Variants in FNIP2 observed in about 807,000 individuals in gnomAD.
FNIP2 encodes folliculin-interacting protein 2.
Under a neutral mutation model 108.7 loss-of-function variants are expected in FNIP2, and 32 were observed. The ratio of observed to expected loss-of-function variants is 0.29; its 90% CI spans 0.22 to 0.40. The LOEUF (loss-of-function observed/expected upper bound fraction) is 0.40. Ranked by LOEUF, FNIP2 falls within the 10% of genes least tolerant of loss-of-function variation. The pLI is 1.00. For synonymous variants in FNIP2, 480 were observed against 496.7 expected (o/e 0.97, Z 0.45); for missense variants, 1,202 against 1,381.6 (o/e 0.87, Z 2.06).
Position 158,778,488 on chromosome 4 carries a change from TATC to T in FNIP2, c.107+9172_107+9174del, listed in dbSNP as rs368620068. On this transcript the variant is annotated intron_variant, in intron 1 of 16. Transcript: ENST00000264433. Reference sequence around the variant, plus strand: ...TGGAATCTCCACTGTCACTTCATCTTATCATATAGGCATTTGTCATCTCACATC... The same window carrying T: ...TGGAATCTCCACTGTCACTTCATCTTATATAGGCATTTGTCATCTCACATC... Among the ~76,000 whole-genome samples the T allele has an allele frequency of 3.9e-3, 587 of 152,348 alleles. 6 individuals carry two copies. Among genetic ancestry groups the T allele is most frequent in the African/African-American group, 0.014 (566 of 41,580 alleles).
At chr4:158,881,893 C>G (rs1365169712) in intron 14 of FNIP2, among the ~76,000 whole-genome samples, 51 of 151,650 alleles carry the variant, frequency 3.4e-4, no homozygotes, top group Non-Finnish European at 4.1e-4. Context: ...AAGTGAGGAG[C>G]GTCTCTGCCT....
In FNIP2 at chr4:158,859,268, A is replaced by G. The variant is rs768062132; in HGVS notation, c.1059+10A>G. 1.3e-6 allele frequency: 2 copies of G among 1,591,194 alleles called. No homozygotes were observed. Among genetic ancestry groups the G allele is most frequent in the East Asian group, 4.5e-5 (2 of 44,546 alleles). The stretch of plus-strand genomic sequence containing the variant: ...GAGTGCAATTGAAAAGGTAATAAGG[A>G]TGTAATCCAAAGTCAAATAGAGAAG... On this transcript the variant is annotated intron_variant, in intron 9 of 16. Transcript: ENST00000264433.
intron 1 of FNIP2, among the ~76,000 whole-genome samples, chr4:158,804,312 A>G (rs937649945): frequency 6.6e-6 from 1 of 152,148 alleles, no homozygotes; most frequent in Non-Finnish European, 1.5e-5. Flanking sequence ...GACATCTACC[A>G]TGGATAAAAC....
At chr4:158,860,801 C>T (rs554755718) in intron 10 of FNIP2, among the ~76,000 whole-genome samples, 11 of 151,386 alleles carry the variant, frequency 7.3e-5, no homozygotes, top group South Asian at 4.1e-4. Flanking sequence ...GGTTTACAGG[C>T]GCGCGCCACC....
Position 158,851,437 on chromosome 4 carries a change from A to G in FNIP2, c.844A>G (p.Ile282Val), listed in dbSNP as rs761974808. The change falls in exon 8 of 17, where the codon ATC becomes GTC. Residue 282 changes from isoleucine to valine, a missense_variant. Transcript: ENST00000264433. ...RSQTTSLENG[I>V]IPRRSTDETF... is the part of the protein sequence containing the mutation. The stretch of plus-strand genomic sequence containing the variant: ...TCAGACAACAAGTTTGGAAAATGGC[A>G]TCATCCCAAGAAGGTGAGTTGCAAG... The G allele has an allele frequency of 1.9e-6, 3 of 1,613,982 alleles. No individual in the cohort carries two copies. Among genetic ancestry groups the G allele is most frequent in the East Asian group, 2.2e-5 (1 of 44,886 alleles).
At chr4:158,871,474 A>G (rs551205913) in intron 14 of FNIP2, 87 of 985,374 alleles carry the variant, frequency 8.8e-5, no homozygotes, top group Non-Finnish European at 1.0e-4. Flanking sequence ...TCCTCTGTGA[A>G]GACCAAACAT....
chr4:158,829,253 C>T (rs1193181949), intron 3 of FNIP2, 28 bp downstream of exon 3: 1 of 1,559,796 alleles, frequency 6.4e-7, no homozygotes, highest in East Asian at 2.3e-5. Flanking sequence ...GTGGGAATAG[C>T]CCCTGAGGTT....
intron 14 of FNIP2, among the ~76,000 whole-genome samples, chr4:158,871,024 C>A (rs188296335): frequency 2.0e-5 from 3 of 152,174 alleles, no homozygotes; most frequent in African/African-American, 7.2e-5. Context: ...CGGTGAGGAC[C>A]GAAGAGGTGT....
Position 158,788,417 on chromosome 4 carries a change from A to G in FNIP2, c.107+19098A>G, listed in dbSNP as rs938908100. 2.6e-5 allele frequency among the ~76,000 whole-genome samples: 4 copies of G among 152,256 alleles called. No homozygotes were observed. The East Asian group carries it at 7.7e-4, about 29-fold the overall frequency. On this transcript the variant is annotated intron_variant, in intron 1 of 16. Coordinates refer to ENST00000264433, the MANE Select transcript of FNIP2 (RefSeq NM_020840.3). ...ACAAGACAAATGTCTGAATAAATCA[A>G]TAAGCAAAGGCCCGCTTAGCTCATG...
At chr4:158,811,869 T>C (rs1777292367) in intron 1 of FNIP2, among the ~76,000 whole-genome samples, 2 of 152,214 alleles carry the variant, frequency 1.3e-5, no homozygotes, top group Admixed American at 1.3e-4. Flanking sequence ...GTGGTAATCT[T>C]TTCCCATGTG....
At chr4:158,829,255 C>G (rs754796332) in intron 3 of FNIP2, 30 bp downstream of exon 3, 68 of 1,555,122 alleles carry the variant, frequency 4.4e-5, no homozygotes, top group Non-Finnish European at 5.6e-5. Flanking sequence ...GGGAATAGCC[C>G]CTGAGGTTAA....
At chr4:158,826,086 A>G in intron 2 of FNIP2, 44 bp downstream of exon 2, 3 of 1,586,044 alleles carry the variant, frequency 1.9e-6, no homozygotes, top group Non-Finnish European at 2.6e-6. Flanking sequence ...TTGTGCTTTT[A>G]ACCACCCTTC....
rs1249335848 is a variant in FNIP2, at chr4:158,868,383, C to G, written c.1747C>G (p.Leu583Val). 1 of 1,614,026 alleles carries G rather than the reference C, an allele frequency of 6.2e-7. No homozygotes were observed. Among genetic ancestry groups the G allele is most frequent in the Non-Finnish European group, 8.5e-7 (1 of 1,179,898 alleles). The change falls in exon 13 of 17, where the codon CTA becomes GTA. Residue 583 changes from leucine (L) to valine (V), a missense_variant. By Grantham distance (32) the Leu-to-Val change is conservative. Coordinates refer to ENST00000264433, the MANE Select transcript of FNIP2 (RefSeq NM_020840.3). The surrounding 1 kb of genome is among the most constrained non-coding windows in gnomAD (Gnocchi z 4.6). ...CGAGCCCGCTCTTGTACCCCCCATCCTACCACCAACAGCAGCAGAGAGACA... is the reference window on the plus strand; with the variant it reads ...CGAGCCCGCTCTTGTACCCCCCATCGTACCACCAACAGCAGCAGAGAGACA... ...RNEPALVPPILPPTAAERHNP... is the reference protein window; with the variant it reads ...RNEPALVPPIVPPTAAERHNP...
rs1259470884 is a variant in FNIP2 at position 158,769,131 on chromosome 4, C to A, written c.-82C>A. On this transcript the variant is annotated 5_prime_UTR_variant, in exon 1 of 17. Transcript: ENST00000264433. ...GGCGGCCGCGCCGCCGCGATGGCCC[C>A]GCCACCGCGGCCGCCGCCCCCGGCT... 1 of 543,846 alleles carries A rather than the reference C, an allele frequency of 1.8e-6. No homozygotes were observed. Among genetic ancestry groups the A allele is most frequent in the Non-Finnish European group, 2.3e-6 (1 of 428,826 alleles). 33.7% of individuals were successfully genotyped at this position (543,846 alleles called of 1,614,324 possible).
rs200974880 is a variant in FNIP2 at position 158,896,849 on chromosome 4, T to TTA, written c.3266+985_3266+986insAT. On this transcript the variant is annotated intron_variant, in intron 16 of 16. Transcript: ENST00000264433. ...TCAATCCTGCCTTATTAGTTTTTTT[T>TTA]TTATTATTATTATACTTTTAAGTTC... 2.3e-3 allele frequency among the ~76,000 whole-genome samples: 346 copies of TTA among 151,874 alleles called. 3 individuals carry two copies. Among genetic ancestry groups the TTA allele is most frequent in the Non-Finnish European group, 4.2e-3 (287 of 67,932 alleles).
chr4:158,847,786 C>A (rs1178518926), intron 7 of FNIP2, among the ~76,000 whole-genome samples: 1 of 152,160 alleles, frequency 6.6e-6, no homozygotes, highest in Non-Finnish European at 1.5e-5. Context: ...AGGGTGAGTC[C>A]CAGGCCTGGC....
chr4:158,823,957 G>A (rs766970998), intron 1 of FNIP2, among the ~76,000 whole-genome samples: 5 of 152,162 alleles, frequency 3.3e-5, no homozygotes, highest in Non-Finnish European at 5.9e-5. Context: ...GATGCTGGGC[G>A]TGATAACTTA....
At chr4:158,851,065 A>AT (rs540950145) in intron 7 of FNIP2, among the ~76,000 whole-genome samples, 18 of 151,998 alleles carry the variant, frequency 1.2e-4, no homozygotes, top group South Asian at 2.1e-4. Flanking sequence ...TGGCATAGAT[A>AT]TTTTTTTTCC....
chr4:158,829,699 C>G (rs1382720794), intron 3 of FNIP2, among the ~76,000 whole-genome samples: 1 of 149,032 alleles, frequency 6.7e-6, no homozygotes, highest in Non-Finnish European at 1.5e-5. Context: ...ATTTTTTACA[C>G]TGTGTGTGTG....
Sources: allele counts gnomAD v4.1 joint callset (sites outside exome capture counted in the v4.1 genomes callset), GRCh38; gene constraint gnomAD v4.1.1; non-coding constraint Gnocchi (gnomAD v3.1); transcripts MANE v1.5; gene names NCBI Gene and HGNC (gene_info 2026-07-23, HGNC 2026-07-21).